Variants in TCERG1L observed in about 807,000 individuals in gnomAD.
TCERG1L encodes transcription elongation regulator 1 like, also known as transcription elongation regulator 1-like protein.
In TCERG1L, 37 loss-of-function variants were observed where a neutral mutation model predicts 56.3. That is an observed-to-expected ratio of 0.66 (90% confidence interval 0.51 to 0.87). The LOEUF (loss-of-function observed/expected upper bound fraction) is 0.87. TCERG1L is among the 40% of genes least tolerant of loss of function. The pLI is 0.00. For missense variants in TCERG1L, 799 were observed against 774.2 expected, an observed-to-expected ratio of 1.03 and a Z score of -0.38; for synonymous variants, 324 against 326.3, an observed-to-expected ratio of 0.99 and a Z score of 0.08.
intron 5 of TCERG1L, among the ~76,000 whole-genome samples, chr10:131,165,869 G>A (rs1846025352): frequency 6.6e-6 from 1 of 152,172 alleles, no homozygotes; most frequent in South Asian, 2.1e-4. Context: ...CTTGTTCCAC[G>A]TTGAAGTCAT....
chr10:131,175,096 G>A (rs1343787207), intron 4 of TCERG1L, among the ~76,000 whole-genome samples: 1 of 152,214 alleles, frequency 6.6e-6, no homozygotes, highest in African/African-American at 2.4e-5. Flanking sequence ...AGACAGAATG[G>A]CCTGCGGAGG....
chr10:131,098,324 T>A lies in TCERG1L; in HGVS notation c.1586A>T (p.Glu529Val), dbSNP rs1845270156. Residue 529 changes from glutamate (E) to valine (V), a missense_variant, in exon 11 of 12, where the codon GAA (glutamate) becomes GTA (valine). Transcript: ENST00000368642. Reference sequence around the variant, plus strand: ...TCCATACCTGGGAGACACTTTAGATTCCTCTAGAAGTTTCTTGAATTCTTC... The same window carrying A: ...TCCATACCTGGGAGACACTTTAGATACCTCTAGAAGTTTCTTGAATTCTTC... The part of the protein sequence containing the change: ...AKEEFKKLLE[E>V]SKVSPRTTFK... 2 of 1,552,308 alleles carry A rather than the reference T, an allele frequency of 1.3e-6. No homozygotes were observed. Among genetic ancestry groups the A allele is most frequent in the Admixed American group, 3.9e-5 (2 of 50,978 alleles).
intron 4 of TCERG1L, among the ~76,000 whole-genome samples, chr10:131,181,921 C>T (rs1339960470): frequency 6.6e-6 from 1 of 152,268 alleles, no homozygotes; most frequent in African/African-American, 2.4e-5. Flanking sequence ...GGCAGCATTG[C>T]TCGTGTTAAG....
Position 131,308,258 on chromosome 10 carries a change from G to T in TCERG1L, c.623C>A (p.Ala208Asp), listed in dbSNP as rs951997237. ...VAVSLSRPAP[A>D]SRPLPTVVLA... ...CACCACCGTGGGGAGCGGCCTGGAG[G>T]CAGGAGCCGGCCTGGACAGAGACAC... The change falls in exon 3 of 12, where the codon GCC becomes GAC. Residue 208 changes from alanine to aspartate, a missense_variant. Transcript: ENST00000368642. 1 of 1,613,958 alleles carries T rather than the reference G, an allele frequency of 6.2e-7. No homozygotes were observed. Among genetic ancestry groups the T allele is most frequent in the Non-Finnish European group, 8.5e-7 (1 of 1,179,874 alleles).
chr10:131,239,981 G>C (rs1321615171), intron 4 of TCERG1L, among the ~76,000 whole-genome samples: 2 of 152,140 alleles, frequency 1.3e-5, no homozygotes, highest in Non-Finnish European at 2.9e-5. Context: ...CTATCTGCTT[G>C]TTCAGGCACA....
chr10:131,117,028 T>C, intron 8 of TCERG1L, 94 bp from the exon 9 acceptor site: 1 of 1,438,376 alleles, frequency 7.0e-7, no homozygotes, highest in Non-Finnish European at 9.3e-7. Flanking sequence ...GGTAACTCTT[T>C]CAGAAGCACA....
At chr10:131,111,749 T>C (rs1295276363) in intron 9 of TCERG1L, among the ~76,000 whole-genome samples, 1 of 143,082 alleles carries the variant, frequency 7.0e-6, no homozygotes, top group Non-Finnish European at 1.6e-5. Context: ...AATTCACTCA[T>C]GTAAATAATG....
rs71009955 is a variant in TCERG1L at position 131,256,948 on chromosome 10, A to AGAAGGAAGGAAGGAAG, written c.856+3295_856+3310dup. 3.1e-3 allele frequency among the ~76,000 whole-genome samples: 187 copies of AGAAGGAAGGAAGGAAG among 60,788 alleles called. 2 individuals carry two copies. The highest frequency in any genetic ancestry group is 3.7e-3 in the South Asian group (5 of 1,348). 39.9% of individuals were successfully genotyped at this position (60,788 alleles called of 152,430 possible). A position where few individuals can be genotyped will look rare whatever the true frequency, so the allele number is the denominator to read the frequency against. ...GGAAGGAAGGGAGGGAGGAAGAGAA[A>AGAAGGAAGGAAGGAAG]GAAGGAAGGAAGGAAGGAAGGAAGG... On this transcript the variant is annotated intron_variant, in intron 4 of 11. Coordinates refer to ENST00000368642, the MANE Select transcript of TCERG1L (RefSeq NM_174937.4).
intron 3 of TCERG1L, among the ~76,000 whole-genome samples, chr10:131,307,097 C>G (rs1846824707): frequency 6.6e-6 from 1 of 152,184 alleles, no homozygotes; most frequent in Non-Finnish European, 1.5e-5. Flanking sequence ...ACTCATATAA[C>G]ACATGCCACT....
At chr10:131,123,626 C>T (rs1443663828) in intron 8 of TCERG1L, among the ~76,000 whole-genome samples, 1 of 152,098 alleles carries the variant, frequency 6.6e-6, no homozygotes, top group Non-Finnish European at 1.5e-5. Context: ...GAGCCCAGAG[C>T]CTCTGAGCAG....
At chr10:131,113,405 G>T (rs886632192) in intron 9 of TCERG1L, among the ~76,000 whole-genome samples, 1 of 141,724 alleles carries the variant, frequency 7.1e-6, no homozygotes, top group African/African-American at 2.5e-5. Context: ...AGGCAGAGTT[G>T]CCTGTGTCTG....
chr10:131,181,187 C>T (rs1845171690), intron 4 of TCERG1L, among the ~76,000 whole-genome samples: 1 of 149,902 alleles, frequency 6.7e-6, no homozygotes. Context: ...CACAGTGGAG[C>T]CAAGGCCTGG....
chr10:131,225,031 TG>T (rs1845777449), intron 4 of TCERG1L, among the ~76,000 whole-genome samples: 3 of 152,110 alleles, frequency 2.0e-5, no homozygotes, highest in South Asian at 2.1e-4. Flanking sequence ...ATGAGTGCCG[TG>T]GATGTGTTGA....
At chr10:131,096,903 GA>G (rs1564790889) in intron 11 of TCERG1L, among the ~76,000 whole-genome samples, 1 of 147,338 alleles carries the variant, frequency 6.8e-6, no homozygotes, top group Non-Finnish European at 1.5e-5. Flanking sequence ...AAAAAAGAAA[GA>G]AAAAACTGAT....
At chr10:131,256,948 A>G (rs868659932) in intron 4 of TCERG1L, among the ~76,000 whole-genome samples, 25 of 60,778 alleles carry the variant, frequency 4.1e-4, no homozygotes, top group African/African-American at 7.0e-4. Context: ...AGGAAGAGAA[A>G]GAAGGAAGGA....
At position 131,176,861 on chromosome 10, in the gene TCERG1L, G is replaced by A. The variant is rs1180147886; in HGVS notation, c.857-9976C>T. Among the ~76,000 whole-genome samples the A allele has an allele frequency of 1.1e-4, 17 of 151,440 alleles. No individual in the cohort carries two copies. The South Asian group carries it at 3.6e-3, about 32-fold the overall frequency. On this transcript the variant is annotated intron_variant, in intron 4 of 11. Transcript: ENST00000368642. ...ACACAGGCACATAGGAACACACAGA[G>A]ACACGTGCACACACACCAAAACACA...
chr10:131,201,433 C>A (rs952735657), intron 4 of TCERG1L, among the ~76,000 whole-genome samples: 3 of 152,126 alleles, frequency 2.0e-5, no homozygotes, highest in Non-Finnish European at 2.9e-5. Flanking sequence ...GCCAAGAGTT[C>A]CCCGGGGTCT....
At chr10:131,280,640 A>G (rs1438741412) in intron 3 of TCERG1L, among the ~76,000 whole-genome samples, 3 of 152,088 alleles carry the variant, frequency 2.0e-5, no homozygotes, top group African/African-American at 7.2e-5. Flanking sequence ...GGGGGCCCCA[A>G]GATTTATTTT....
chr10:131,254,944 G>A (rs376557895), intron 4 of TCERG1L, among the ~76,000 whole-genome samples: 55 of 152,326 alleles, frequency 3.6e-4, no homozygotes, highest in African/African-American at 1.3e-3. Flanking sequence ...ATTGGGAAGT[G>A]GAGGTAGTTG....
Sources: allele counts gnomAD v4.1 joint callset (sites outside exome capture counted in the v4.1 genomes callset), GRCh38; gene constraint gnomAD v4.1.1; transcripts MANE v1.5; gene names NCBI Gene and HGNC (gene_info 2026-07-23, HGNC 2026-07-21).